The following RNF169 variants were observed in gnomAD, a reference collection of about 807,000 sequenced individuals.
RNF169 encodes the protein E3 ubiquitin-protein ligase RNF169.
In RNF169, 24 loss-of-function variants were observed where a neutral mutation model predicts 53.9. That is an observed-to-expected ratio of 0.45 (90% CI 0.32 to 0.63). The LOEUF is 0.63. Among genes scored for constraint, RNF169 ranks in the 20% least tolerant of loss-of-function variants. The pLI is 0.04. For missense variants in RNF169, 883 were observed against 906.2 expected (o/e 0.97, Z 0.33); for synonymous variants, 396 against 363.5 (o/e 1.09, Z -1.02).
At chr11:74,826,518 C>A (rs1455094340) in intron 4 of RNF169, among the ~76,000 whole-genome samples, 1 of 152,134 alleles carries the variant, frequency 6.6e-6, no homozygotes, top group Non-Finnish European at 1.5e-5. Flanking sequence ...ACCCCTGGCC[C>A]CTCCCAAATA....
At chr11:74,832,671 A>G (rs537449432) in intron 4 of RNF169, among the ~76,000 whole-genome samples, 7 of 152,158 alleles carry the variant, frequency 4.6e-5, no homozygotes, top group Non-Finnish European at 8.8e-5. Context: ...GGTTGATCAG[A>G]AAATCTTTTC....
At chr11:74,765,069 TGTG>T (rs772870716) in intron 1 of RNF169, among the ~76,000 whole-genome samples, 18 of 152,002 alleles carry the variant, frequency 1.2e-4, no homozygotes, top group African/African-American at 2.2e-4. Context: ...GTTAGCCAGA[TGTG>T]GTGGTGTGCG....
rs1461658496 is a variant in RNF169, at chr11:74,839,586, A to G, written c.*2856A>G. 2 of 151,928 alleles carry G rather than the reference A, an allele frequency of 1.3e-5. No homozygotes were observed. The highest frequency in any genetic ancestry group is 4.8e-5 in the African/African-American group (2 of 41,330). 9.4% of individuals were successfully genotyped at this position (151,928 alleles called of 1,614,324 possible). On this transcript the variant is annotated 3_prime_UTR_variant, in exon 6 of 6. Transcript: ENST00000299563. ...TGAAGCCCAGTTCACCATACAAATT[A>G]CCCATGTCTTACTCTGTTCCTTGTA...
chr11:74,798,943 A>T (rs1444640872), intron 2 of RNF169, among the ~76,000 whole-genome samples: 1 of 151,690 alleles, frequency 6.6e-6, no homozygotes, highest in East Asian at 1.9e-4. Flanking sequence ...GGTTTCAGCT[A>T]CTCAGGAGGC....
At chr11:74,817,743 G>C in intron 4 of RNF169, 29 bp downstream of exon 4, 1 of 1,416,918 alleles carries the variant, frequency 7.1e-7, no homozygotes, top group East Asian at 2.3e-5. Context: ...ATTCAGTCAG[G>C]GGTCTTTGGT....
rs59608728 is a variant in RNF169, at chr11:74,796,663, CTGAAGGTGGGGGAAAAGAT to C, written c.576+6982_576+7000del. 4.2e-4 allele frequency among the ~76,000 whole-genome samples: 64 copies of C among 151,944 alleles called. No individual in the cohort carries two copies. In the East Asian group the frequency reaches 0.011, roughly 27 times the overall value. ...CTTTGAATCATTGGACTCTGAAAGA[CTGAAGGTGGGGGAAAAGAT>C]TGAAGGTGGGGGAAAAGCAGCCTTG... On this transcript the variant is annotated intron_variant, in intron 2 of 5. Transcript: ENST00000299563.
chr11:74,765,101 C>T (rs1249417856), intron 1 of RNF169, among the ~76,000 whole-genome samples: 1 of 152,076 alleles, frequency 6.6e-6, no homozygotes, highest in Non-Finnish European at 1.5e-5. Context: ...CCCAGCAATA[C>T]AGGAGGCTGA....
intron 1 of RNF169, among the ~76,000 whole-genome samples, chr11:74,787,240 C>G (rs1166224883): frequency 1.3e-5 from 2 of 151,962 alleles, no homozygotes; most frequent in Admixed American, 1.3e-4. Context: ...CCACTATAAA[C>G]AAAGTCAACA....
At chr11:74,799,642 G>A (rs886566437) in intron 2 of RNF169, among the ~76,000 whole-genome samples, 3 of 151,968 alleles carry the variant, frequency 2.0e-5, no homozygotes, top group African/African-American at 7.2e-5. Flanking sequence ...GCCAAATTAA[G>A]GAATTTTCCA....
At chr11:74,752,039 C>G (rs368139593) in intron 1 of RNF169, among the ~76,000 whole-genome samples, 1 of 151,264 alleles carries the variant, frequency 6.6e-6, no homozygotes, top group Non-Finnish European at 1.5e-5. Context: ...GGAGACCAGT[C>G]TGGCCAACAT....
At chr11:74,774,219 G>A (rs964331596) in intron 1 of RNF169, among the ~76,000 whole-genome samples, 1 of 151,942 alleles carries the variant, frequency 6.6e-6, no homozygotes, top group African/African-American at 2.4e-5. Flanking sequence ...GGTGGCACAT[G>A]CCTGTAATCC....
chr11:74,764,749 G>T (rs536916778), intron 1 of RNF169, among the ~76,000 whole-genome samples: 5 of 149,900 alleles, frequency 3.3e-5, no homozygotes, highest in Non-Finnish European at 4.4e-5. Flanking sequence ...TCACTGATTT[G>T]TAGGGGCTAA....
chr11:74,782,211 G>A (rs1270340323), intron 1 of RNF169, among the ~76,000 whole-genome samples: 1 of 152,164 alleles, frequency 6.6e-6, no homozygotes, highest in Admixed American at 6.5e-5. Context: ...GGCAGAAATA[G>A]CATGGTTTAG....
chr11:74,767,602 C>G (rs2035193574), intron 1 of RNF169, among the ~76,000 whole-genome samples: 1 of 151,984 alleles, frequency 6.6e-6, no homozygotes, highest in East Asian at 1.9e-4. Context: ...TGGAGTCTCG[C>G]TCTGTCGCCC....
chr11:74,830,549 A>G (rs1006240666), intron 4 of RNF169: 4 of 68,854 alleles, frequency 5.8e-5, no homozygotes, highest in Non-Finnish European at 9.8e-5. Context: ...CCCATAATAA[A>G]AAAAAAAAAA....
intron 1 of RNF169, among the ~76,000 whole-genome samples, chr11:74,785,236 TATATGTTATATATGTTAG>T (rs2035480146): frequency 2.2e-5 from 2 of 90,932 alleles, no homozygotes; most frequent in African/African-American, 1.2e-4. Context: ...ATATATTATA[TATATGTTATATATGTTAG>T]ATATATATGT....
chr11:74,767,750 T>G (rs2035196525), intron 1 of RNF169, among the ~76,000 whole-genome samples: 2 of 151,994 alleles, frequency 1.3e-5, no homozygotes, highest in Admixed American at 6.6e-5. Context: ...TTTGTATTTT[T>G]TTTTTTTTAG....
At chr11:74,810,381 GCC>G in intron 3 of RNF169, 51 bp downstream of exon 3, 1 of 1,575,136 alleles carries the variant, frequency 6.3e-7, no homozygotes, top group South Asian at 1.1e-5. Flanking sequence ...TCAGTGGTTA[GCC>G]CAGGTGACCT....
At chr11:74,786,244 C>CTTTT (rs140407738) in intron 1 of RNF169, among the ~76,000 whole-genome samples, 1 of 131,360 alleles carries the variant, frequency 7.6e-6, no homozygotes, top group Non-Finnish European at 1.6e-5. Flanking sequence ...TGGCCTGTTT[C>CTTTT]TTTTTTTTTT....
Sources: gnomAD v4.1 joint callset for allele counts (sites outside exome capture counted in the v4.1 genomes callset) on GRCh38, gnomAD v4.1.1 for gene constraint, MANE v1.5 for transcripts, NCBI Gene and HGNC (gene_info 2026-07-23, HGNC 2026-07-21) for gene names.